Variants in SPATS2 observed in about 807,000 individuals in gnomAD.
SPATS2 encodes spermatogenesis-associated serine-rich protein 2.
Under a neutral mutation model 63.7 loss-of-function variants are expected in SPATS2, and 38 were observed. The observed-to-expected ratio is 0.60, with a 90% confidence interval of 0.46 to 0.78. SPATS2 has a LOEUF of 0.78. Among genes scored for constraint, SPATS2 ranks in the 30% least tolerant of loss-of-function variants. SPATS2 has a pLI of 0.00. For synonymous variants in SPATS2, 207 were observed against 232.9 expected (o/e 0.89, Z 1.01); for missense variants, 588 against 666.2 (o/e 0.88, Z 1.29).
intron 2 of SPATS2, among the ~76,000 whole-genome samples, chr12:49,408,337 C>T (rs1279816799): frequency 1.3e-5 from 2 of 151,576 alleles, no homozygotes; most frequent in Admixed American, 6.6e-5. Flanking sequence ...ACTGCAACCT[C>T]CGTCTCCTGG....
At chr12:49,511,263 A>ATTC (rs1946749621) in intron 9 of SPATS2, among the ~76,000 whole-genome samples, 1 of 152,190 alleles carries the variant, frequency 6.6e-6, no homozygotes, top group African/African-American at 2.4e-5. Context: ...AAGTCCTGAA[A>ATTC]AGGAAGGAAG....
chr12:49,402,151 CTAATT>C (rs1441387527), intron 2 of SPATS2, among the ~76,000 whole-genome samples: 10 of 152,118 alleles, frequency 6.6e-5, no homozygotes, highest in Admixed American at 6.6e-4. Flanking sequence ...TGTTAGTTTT[CTAATT>C]TCCAGTTGCC....
chr12:49,508,680 C>G (rs984520253), intron 9 of SPATS2, among the ~76,000 whole-genome samples: 29 of 152,042 alleles, frequency 1.9e-4, no homozygotes, highest in African/African-American at 7.0e-4. Context: ...AGTGATCCTC[C>G]TGCCTCGACT....
chr12:49,411,648 G>C (rs1054477372), intron 2 of SPATS2, among the ~76,000 whole-genome samples: 1 of 152,006 alleles, frequency 6.6e-6, no homozygotes, highest in East Asian at 1.9e-4. Context: ...CTTGGTACTT[G>C]CTTAAAAAAT....
chr12:49,435,578 A>G (rs1043085666), intron 2 of SPATS2, among the ~76,000 whole-genome samples: 2 of 149,740 alleles, frequency 1.3e-5, no homozygotes, highest in Admixed American at 6.7e-5. Context: ...CGCCCGCCTC[A>G]GCCTCCCAAA....
intron 2 of SPATS2, among the ~76,000 whole-genome samples, chr12:49,395,875 T>C (rs555160024): frequency 2.6e-5 from 4 of 152,266 alleles, no homozygotes; most frequent in Non-Finnish European, 5.9e-5. Context: ...CTTGTGTAAC[T>C]GAAACTTTAT....
chr12:49,414,929 C>CTTTTTTT (rs1157917871), intron 2 of SPATS2, among the ~76,000 whole-genome samples: 1 of 135,002 alleles, frequency 7.4e-6, no homozygotes, highest in African/African-American at 2.9e-5. Context: ...TTCTTTTTTT[C>CTTTTTTT]TTTTTCTTTT....
chr12:49,381,880 G>C (rs750725500), intron 2 of SPATS2, among the ~76,000 whole-genome samples: 4 of 152,164 alleles, frequency 2.6e-5, no homozygotes, highest in African/African-American at 4.8e-5. Flanking sequence ...ATTCTACCAG[G>C]TTTATAGGTA....
intron 2 of SPATS2, among the ~76,000 whole-genome samples, chr12:49,398,853 A>T (rs1944557765): frequency 6.6e-6 from 1 of 152,174 alleles, no homozygotes; most frequent in Non-Finnish European, 1.5e-5. Context: ...ATCCAGGTGG[A>T]GATGTACATT....
At chr12:49,385,470 G>A (rs1192867396) in intron 2 of SPATS2, among the ~76,000 whole-genome samples, 1 of 151,472 alleles carries the variant, frequency 6.6e-6, no homozygotes, top group Admixed American at 6.6e-5. Context: ...TTTGAGGAAA[G>A]ATCTAAAAAT....
chr12:49,403,927 G>A (rs1387218437), intron 2 of SPATS2, among the ~76,000 whole-genome samples: 2 of 152,270 alleles, frequency 1.3e-5, no homozygotes, highest in African/African-American at 4.8e-5. Context: ...TTTGGAAGTA[G>A]GGAACCTGCC....
At chr12:49,390,751 A>T (rs1944404809) in intron 2 of SPATS2, among the ~76,000 whole-genome samples, 1 of 152,222 alleles carries the variant, frequency 6.6e-6, no homozygotes, top group Non-Finnish European at 1.5e-5. Flanking sequence ...CATAACTGAT[A>T]CTTAGCTAAC....
intron 12 of SPATS2, 79 bp from the exon 13 acceptor site, chr12:49,524,603 G>A: frequency 7.0e-7 from 1 of 1,436,078 alleles, no homozygotes; most frequent in South Asian, 1.2e-5. Flanking sequence ...ATTGCTCATT[G>A]TGAAATTGAG....
Position 49,524,698 on chromosome 12 carries a change from C to G in SPATS2, c.1128C>G (p.Asn376Lys). The G allele has an allele frequency of 6.2e-7, 1 of 1,614,182 alleles. No individual in the cohort carries two copies. Among genetic ancestry groups the G allele is most frequent in the Non-Finnish European group, 8.5e-7 (1 of 1,180,034 alleles). Residue 376 changes from asparagine to lysine, a missense_variant, in exon 13 of 14, where the codon AAC becomes AAG. Transcript: ENST00000552918. The stretch of plus-strand genomic sequence containing the variant: ...CTGTTTCAGTGTCTCATCCAAAGAA[C>G]AGCTATTCGACCAGATCCCGATGTA... ...DSFGQVSHPK[N>K]SYSTRSRCSS... is the part of the protein sequence containing the mutation.
At chr12:49,387,003 G>A (rs1389464468) in intron 2 of SPATS2, 3 of 152,134 alleles carry the variant, frequency 2.0e-5, no homozygotes, top group African/African-American at 7.2e-5. Flanking sequence ...CCAGGTATTG[G>A]GTAATAGAAT....
At chr12:49,367,225 G>C (rs1185454515), upstream of SPATS2, 1 of 234,466 alleles carries the variant, frequency 4.3e-6, no homozygotes, top group Non-Finnish European at 8.2e-6. Context: ...ACAGCCTCGA[G>C]CTTGGCGCGC....
At chr12:49,466,363 A>G (rs1178394053) in intron 3 of SPATS2, among the ~76,000 whole-genome samples, 2 of 152,072 alleles carry the variant, frequency 1.3e-5, no homozygotes, top group Admixed American at 1.3e-4. Flanking sequence ...GGGTTTCACC[A>G]TCTTGGCCAG....
At chr12:49,468,512 C>T (rs1048686245) in intron 3 of SPATS2, among the ~76,000 whole-genome samples, 9 of 150,154 alleles carry the variant, frequency 6.0e-5, no homozygotes, top group African/African-American at 2.0e-4. Flanking sequence ...AGTCTCCCTC[C>T]GTCACCAAGG....
At chr12:49,410,361 C>G (rs1207594123) in intron 2 of SPATS2, among the ~76,000 whole-genome samples, 2 of 152,134 alleles carry the variant, frequency 1.3e-5, no homozygotes, top group Non-Finnish European at 2.9e-5. Context: ...CAGGTGTGAG[C>G]CACCGTGCCC....
Sources: allele counts gnomAD v4.1 joint callset (sites outside exome capture counted in the v4.1 genomes callset), GRCh38; gene constraint gnomAD v4.1.1; transcripts MANE v1.5; gene names NCBI Gene and HGNC (gene_info 2026-07-23, HGNC 2026-07-21).